GALNT7: variants seen among roughly 807,000 people sequenced by gnomAD.
GALNT7 encodes the protein N-acetylgalactosaminyltransferase 7.
GALNT7 carries 60 observed loss-of-function variants against 82.1 expected under a neutral mutation model. The observed-to-expected ratio is 0.73, with a 90% CI of 0.59 to 0.91. The LOEUF is 0.91. GALNT7 is among the 40% of genes least tolerant of loss of function. The pLI is 0.00. For synonymous variants in GALNT7, 243 were observed against 275.1 expected, an observed-to-expected ratio of 0.88 and a Z score of 1.15; for missense variants, 660 against 804.2, an observed-to-expected ratio of 0.82 and a Z score of 2.17.
At chr4:173,233,920 T>A (rs1433758357) in intron 1 of GALNT7, among the ~76,000 whole-genome samples, 9 of 152,172 alleles carry the variant, frequency 5.9e-5, no homozygotes, top group Non-Finnish European at 1.3e-4. Flanking sequence ...GCAAATCAAA[T>A]TTTTCAAAAA....
At chr4:173,313,917 A>G in intron 8 of GALNT7, 41 bp from the exon 9 acceptor site, 1 of 942,232 alleles carries the variant, frequency 1.1e-6, no homozygotes, top group Non-Finnish European at 1.6e-6. Context: ...TGACATTTGT[A>G]TTTTTATAAC....
At chr4:173,235,570 T>TC (rs1734196069) in intron 1 of GALNT7, among the ~76,000 whole-genome samples, 1 of 151,376 alleles carries the variant, frequency 6.6e-6, no homozygotes, top group Non-Finnish European at 1.5e-5. Flanking sequence ...TTTTTTTTTT[T>TC]CTTGAGACAG....
chr4:173,224,829 G>T (rs558132818), intron 1 of GALNT7, among the ~76,000 whole-genome samples: 3 of 151,482 alleles, frequency 2.0e-5, no homozygotes, highest in African/African-American at 7.3e-5. Flanking sequence ...TGGCTAACAC[G>T]GTGAAACCCC....
chr4:173,317,784 GT>G (rs1425198049), intron 10 of GALNT7, 52 bp downstream of exon 10: 6 of 1,086,294 alleles, frequency 5.5e-6, no homozygotes, highest in Non-Finnish European at 8.5e-6. Context: ...GGGCCATCAG[GT>G]TTATTGATCA....
Position 173,322,730 on chromosome 4 carries a change from G to GTT in GALNT7, c.*1014_*1015dup, listed in dbSNP as rs1737867842. On this transcript the variant is annotated 3_prime_UTR_variant, in exon 12 of 12. Transcript: ENST00000265000. Reference sequence around the variant, plus strand: ...CTGAGGTAAGACTTTCCAAGCCCTTGTTAGATTAGGCCTTATAAAACTTGT... The same window carrying GTT: ...CTGAGGTAAGACTTTCCAAGCCCTTGTTTTAGATTAGGCCTTATAAAACTTGT... The GTT allele has an allele frequency of 6.6e-6, 1 of 152,160 alleles. No homozygotes were observed. Among genetic ancestry groups the GTT allele is most frequent in the African/African-American group, 2.4e-5 (1 of 41,442 alleles). 9.4% of individuals were successfully genotyped at this position (152,160 alleles called of 1,614,324 possible).
chr4:173,218,545 T>C (rs1457805976), intron 1 of GALNT7, among the ~76,000 whole-genome samples: 1 of 151,952 alleles, frequency 6.6e-6, no homozygotes. Context: ...TTATTGACAG[T>C]TGTTTGAAGG....
intron 2 of GALNT7, among the ~76,000 whole-genome samples, chr4:173,281,456 A>G (rs1206592221): frequency 2.0e-5 from 3 of 152,032 alleles, no homozygotes; most frequent in Non-Finnish European, 1.5e-5. Flanking sequence ...GCCACATGTC[A>G]TCCTATTCCT....
chr4:173,184,018 C>G (rs927818126), intron 1 of GALNT7, among the ~76,000 whole-genome samples: 2 of 149,014 alleles, frequency 1.3e-5, no homozygotes, highest in African/African-American at 2.5e-5. Flanking sequence ...GGGGCAGAGG[C>G]GCTCCCCACA....
intron 2 of GALNT7, among the ~76,000 whole-genome samples, chr4:173,279,333 CTGT>C (rs1736026735): frequency 6.6e-6 from 1 of 152,094 alleles, no homozygotes; most frequent in African/African-American, 2.4e-5. Context: ...CCAGAACTCA[CTGT>C]TGTGAGGAGA....
chr4:173,227,989 G>GTT, intron 1 of GALNT7, among the ~76,000 whole-genome samples: 1 of 152,050 alleles, frequency 6.6e-6, no homozygotes, highest in East Asian at 1.9e-4. Flanking sequence ...TGCTAGTCAT[G>GTT]TGTTTTCTGT....
At chr4:173,275,010 A>G (rs1217362686) in intron 2 of GALNT7, among the ~76,000 whole-genome samples, 1 of 152,178 alleles carries the variant, frequency 6.6e-6, no homozygotes, top group Non-Finnish European at 1.5e-5. Context: ...CCAAAAGGAA[A>G]TACAGTCATC....
Position 173,321,679 on chromosome 4 carries a change from A to G in GALNT7, c.1936A>G (p.Thr646Ala). 1 of 1,608,532 alleles carries G rather than the reference A, an allele frequency of 6.2e-7. No individual in the cohort carries two copies. The highest frequency in any genetic ancestry group is 1.1e-5 in the South Asian group (1 of 90,984). ...CTCCAATTGTGACTCCAGTAAAACG[A>G]CTCAAAAATGGGAAATGAATAACAT... is the stretch of plus-strand genomic sequence containing the variant. The part of the protein sequence containing the change: ...FISNCDSSKT[T>A]QKWEMNNIHS... The change falls in exon 12 of 12, where the codon ACT (threonine) becomes GCT (alanine). Residue 646 changes from threonine to alanine, a missense_variant. Physicochemically the swap from Thr to Ala is moderately conservative, Grantham distance 58. This residue lies in a region of GALNT7 where 527 missense variants were observed against 683.5 expected (regional missense o/e 0.77). Transcript: ENST00000265000.
intron 2 of GALNT7, among the ~76,000 whole-genome samples, chr4:173,278,552 C>G (rs1460501050): frequency 6.6e-6 from 1 of 152,080 alleles, no homozygotes; most frequent in South Asian, 2.1e-4. Context: ...TGCACCTAAA[C>G]CAACAATATA....
intron 1 of GALNT7, among the ~76,000 whole-genome samples, chr4:173,182,661 T>TACACACACACACACAC (rs60501649): frequency 1.3e-4 from 18 of 133,532 alleles, no homozygotes; most frequent in African/African-American, 5.1e-4. Context: ...TTACTCATAA[T>TACACACACACACACAC]ACACACACAC....
chr4:173,265,576 G>C (rs1039708851), intron 2 of GALNT7, among the ~76,000 whole-genome samples: 1 of 150,380 alleles, frequency 6.6e-6, no homozygotes, highest in African/African-American at 2.5e-5. Context: ...AGCAGTGATG[G>C]TGGCGTAAGC....
intron 2 of GALNT7, among the ~76,000 whole-genome samples, chr4:173,256,480 C>G (rs563810296): frequency 5.3e-5 from 8 of 152,172 alleles, no homozygotes; most frequent in African/African-American, 1.9e-4. Flanking sequence ...CCCAAAGTTC[C>G]TAAAGTTTGT....
chr4:173,243,526 C>T (rs967015409), intron 1 of GALNT7, among the ~76,000 whole-genome samples: 1 of 152,212 alleles, frequency 6.6e-6, no homozygotes, highest in Non-Finnish European at 1.5e-5. Flanking sequence ...TACTGATTCT[C>T]ATTCACTCTC....
At chr4:173,256,921 A>G (rs143034752) in intron 2 of GALNT7, among the ~76,000 whole-genome samples, 1 of 152,330 alleles carries the variant, frequency 6.6e-6, no homozygotes, top group African/African-American at 2.4e-5. Context: ...ATCTATTCTG[A>G]AAAATAGACG....
At chr4:173,178,575 G>C (rs1044411263) in intron 1 of GALNT7, among the ~76,000 whole-genome samples, 14 of 152,106 alleles carry the variant, frequency 9.2e-5, no homozygotes, top group African/African-American at 3.4e-4. Flanking sequence ...TCCCTTCTGG[G>C]CTTCCCAGCC....
Sources: allele counts gnomAD v4.1 joint callset (sites outside exome capture counted in the v4.1 genomes callset), GRCh38; gene constraint gnomAD v4.1.1; regional missense constraint gnomAD v4.1.1; transcripts MANE v1.5; gene names NCBI Gene and HGNC (gene_info 2026-07-23, HGNC 2026-07-21).